Variants in PRKDC observed in about 807,000 individuals in gnomAD.
The protein encoded by PRKDC is protein kinase, DNA-activated, catalytic subunit, also known as DNA-dependent protein kinase catalytic subunit.
Under a neutral mutation model 486.9 loss-of-function variants are expected in PRKDC, and 82 were observed. That is an observed-to-expected ratio of 0.17 (90% CI 0.14 to 0.20). PRKDC has a LOEUF of 0.20. Ranked by LOEUF, PRKDC falls within the 10% of genes least tolerant of loss-of-function variation. The pLI, the probability that PRKDC is intolerant of heterozygous loss-of-function variation, is 1.00. For missense variants in PRKDC, 4,504 were observed against 5,038.2 expected, an observed-to-expected ratio of 0.89 and a Z score of 3.21; for synonymous variants, 1,895 against 1,837.0, an observed-to-expected ratio of 1.03 and a Z score of -0.81.
intron 69 of PRKDC, among the ~76,000 whole-genome samples, chr8:47,804,430 C>T (rs2087176181): frequency 6.6e-6 from 1 of 151,414 alleles, no homozygotes; most frequent in Non-Finnish European, 1.5e-5. Flanking sequence ...CTCCCAAGTA[C>T]CTGGGATTAC....
intron 21 of PRKDC, among the ~76,000 whole-genome samples, chr8:47,925,656 G>A (rs551747647): frequency 7.2e-5 from 11 of 152,272 alleles, no homozygotes; most frequent in East Asian, 5.8e-4. Flanking sequence ...CTGTAGTTAC[G>A]TAAAAGAATG....
intron 25 of PRKDC, among the ~76,000 whole-genome samples, chr8:47,906,798 G>A (rs1309652158): frequency 6.6e-6 from 1 of 151,140 alleles, no homozygotes; most frequent in Non-Finnish European, 1.5e-5. Flanking sequence ...GATATTAGAG[G>A]TCCATACTGT....
chr8:47,797,614 G>A lies in PRKDC; in HGVS notation c.10458+623C>T, dbSNP rs938976116. On this transcript the variant is annotated intron_variant, in intron 73 of 85. Coordinates refer to ENST00000314191, the MANE Select transcript of PRKDC (RefSeq NM_006904.7). ...TTACACGTCTATAAATGTCAACTAC[G>A]AAGCCTTTCAGAGGCCCTACACTTT... Among the ~76,000 whole-genome samples the A allele has an allele frequency of 9.2e-5, 14 of 152,270 alleles. No homozygotes were observed. In the South Asian group the frequency reaches 1.0e-3, roughly 11 times the overall value.
rs1225841387 is a variant in PRKDC, at chr8:47,888,547, C to T, written c.4384G>A (p.Gly1462Arg). ...GACGGTAATATATTATGCAGAAGCC[C>T]AGCTCTGTGAAGCTGTTTACAGGCA... The part of the protein sequence containing the change: ...VSACKQLHRA[G>R]LLHNILPSQS... Residue 1462 changes from glycine (G) to arginine (R), a missense_variant, in exon 34 of 86, where the codon GGG (glycine) becomes AGG (arginine). Transcript: ENST00000314191. The T allele has an allele frequency of 1.9e-6, 3 of 1,576,760 alleles. No individual in the cohort carries two copies. The East Asian group carries it at 7.0e-5, about 37-fold the overall frequency.
intron 30 of PRKDC, 46 bp from the exon 31 acceptor site, chr8:47,893,433 C>G: frequency 5.0e-6 from 7 of 1,399,346 alleles, no homozygotes; most frequent in Non-Finnish European, 6.6e-6. Context: ...ACCTACATTT[C>G]TTTAATCTAA....
intron 40 of PRKDC, among the ~76,000 whole-genome samples, chr8:47,874,098 C>T (rs929224924): frequency 5.9e-5 from 9 of 151,388 alleles, no homozygotes; most frequent in African/African-American, 2.2e-4. Flanking sequence ...CGCCCACCAC[C>T]ACGCCCGGCT....
At chr8:47,909,211 ACCGGTTGG>A (rs1290098039) in intron 25 of PRKDC, among the ~76,000 whole-genome samples, 7 of 152,206 alleles carry the variant, frequency 4.6e-5, no homozygotes, top group African/African-American at 1.7e-4. Context: ...ACACGGAGGG[ACCGGTTGG>A]AGCCGAGGCA....
rs8178135 is a variant in PRKDC at position 47,860,488 on chromosome 8, C to T, written c.6058+411G>A. On this transcript the variant is annotated intron_variant, in intron 45 of 85. Coordinates refer to ENST00000314191, the MANE Select transcript of PRKDC (RefSeq NM_006904.7). Reference sequence around the variant, plus strand: ...GGGGCCTTGAGCAGCTCTGTCCTGCCGGAGATGGGAACCCACAGTGAGGCT... The same window carrying T: ...GGGGCCTTGAGCAGCTCTGTCCTGCTGGAGATGGGAACCCACAGTGAGGCT... Among the ~76,000 whole-genome samples, 93 of 152,134 alleles carry T rather than the reference C, an allele frequency of 6.1e-4. 1 individual carries two copies. In the South Asian group the frequency reaches 0.019, roughly 30 times the overall value.
intron 54 of PRKDC, among the ~76,000 whole-genome samples, chr8:47,846,650 C>T (rs2088271429): frequency 6.6e-6 from 1 of 152,090 alleles, no homozygotes; most frequent in Non-Finnish European, 1.5e-5. Context: ...CAAAGTCCTA[C>T]ACAGAACAAT....
intron 14 of PRKDC, 44 bp downstream of exon 14, chr8:47,934,965 A>G (rs1414877599): frequency 7.2e-7 from 1 of 1,398,102 alleles, no homozygotes; most frequent in East Asian, 2.5e-5. Flanking sequence ...CCTAGCTTTC[A>G]GTGATAACAG....
At chr8:47,951,711 C>A (rs938005784) in intron 7 of PRKDC, among the ~76,000 whole-genome samples, 7 of 124,866 alleles carry the variant, frequency 5.6e-5, no homozygotes, top group African/African-American at 1.6e-4. Context: ...AAGACCCTGT[C>A]TCCAAAAAAA....
At chr8:47,931,041 C>T (rs186643827) in intron 16 of PRKDC, among the ~76,000 whole-genome samples, 1 of 152,242 alleles carries the variant, frequency 6.6e-6, no homozygotes, top group Admixed American at 6.5e-5. Flanking sequence ...AGGTGGGCAG[C>T]ACTTCTTGAG....
chr8:47,852,692 T>C lies in PRKDC; in HGVS notation c.6986A>G (p.Tyr2329Cys). 1.9e-6 allele frequency: 3 copies of C among 1,571,962 alleles called. No individual in the cohort carries two copies. The highest frequency in any genetic ancestry group is 2.6e-6 in the Non-Finnish European group (3 of 1,156,424). ...ACTCACGTTTTTTCTCTCCATAACATATCGAAGTATAAGTCCTAGAACTTC... is the reference window on the plus strand; with the variant it reads ...ACTCACGTTTTTTCTCTCCATAACACATCGAAGTATAAGTCCTAGAACTTC... ...AAEVLGLILR[Y>C]VMERKNILEE... The change falls in exon 52 of 86, where the codon TAT (tyrosine) becomes TGT (cysteine). Residue 2329 changes from tyrosine (Y) to cysteine (C), a missense_variant. Tyr to Cys is a radical substitution (Grantham distance 194). Transcript: ENST00000314191.
chr8:47,796,407 AT>A (rs2086986636), intron 73 of PRKDC, among the ~76,000 whole-genome samples: 1 of 152,082 alleles, frequency 6.6e-6, no homozygotes. Flanking sequence ...AAAACACCTA[AT>A]TTAAATTTTC....
chr8:47,925,395 T>C (rs931927839), intron 21 of PRKDC, among the ~76,000 whole-genome samples: 24 of 152,216 alleles, frequency 1.6e-4, no homozygotes, highest in African/African-American at 5.5e-4. Flanking sequence ...AGAAGGACAC[T>C]GTACAAAATA....
Position 47,857,279 on chromosome 8 carries a change from C to T in PRKDC, c.6486G>A (p.Lys2162=), listed in dbSNP as rs1445524852. ...GCTGCAGCAAGGGGCTAAGCCAGTG[C>T]TTCGCGTAAGGGCGAAAGACCTACA... ...NTEEVFRPYA[K]HWLSPLLQLA... is the part of the protein sequence containing the mutation. Residue 2162 remains lysine (K), a synonymous_variant, in exon 49 of 86, where the codon AAG becomes AAA. Transcript: ENST00000314191. 1.2e-6 allele frequency: 2 copies of T among 1,612,536 alleles called. No homozygotes were observed. The highest frequency in any genetic ancestry group is 3.4e-5 in the Admixed American group (2 of 59,554).
At chr8:47,813,515 TAGG>T (rs2087377892) in intron 68 of PRKDC, among the ~76,000 whole-genome samples, 1 of 152,186 alleles carries the variant, frequency 6.6e-6, no homozygotes, top group Non-Finnish European at 1.5e-5. Flanking sequence ...CCAAATAGGA[TAGG>T]TTTCACTGGT....
In PRKDC at chr8:47,778,669, G is replaced by C. The variant is rs2086648567; in HGVS notation, c.11652-9C>G. 1 of 1,613,452 alleles carries C rather than the reference G, an allele frequency of 6.2e-7. No homozygotes were observed. Among genetic ancestry groups the C allele is most frequent in the Non-Finnish European group, 8.5e-7 (1 of 1,179,636 alleles). The stretch of plus-strand genomic sequence containing the variant: ...TCCTCACGAAGGCCCGCCTACAAAA[G>C]AGACACAGCTGTGCGGCTGCTGTGA... On this transcript the variant is annotated splice_polypyrimidine_tract_variant and intron_variant, in intron 82 of 85. Transcript: ENST00000314191.
At chr8:47,779,856 G>A (rs1005986482) in intron 80 of PRKDC, among the ~76,000 whole-genome samples, 1 of 151,266 alleles carries the variant, frequency 6.6e-6, no homozygotes, top group African/African-American at 2.4e-5. Context: ...CCAAAGTGCT[G>A]GGATTACAGG....
Sources: gnomAD v4.1 joint callset for allele counts (sites outside exome capture counted in the v4.1 genomes callset) on GRCh38, gnomAD v4.1.1 for gene constraint, MANE v1.5 for transcripts, NCBI Gene and HGNC (gene_info 2026-07-23, HGNC 2026-07-21) for gene names.